Variants in SLC9C2 observed in about 807,000 individuals in gnomAD.
SLC9C2 encodes the protein sodium/hydrogen exchanger 11.
A neutral mutation model predicts 140.2 loss-of-function variants in SLC9C2; 75 were observed. The ratio of observed to expected loss-of-function variants is 0.53; its 90% CI spans 0.44 to 0.65. The LOEUF (loss-of-function observed/expected upper bound fraction) is 0.65, where lower values mean the gene tolerates loss of function less well. Among genes scored for constraint, SLC9C2 ranks in the 30% least tolerant of loss-of-function variants. The probability of loss-of-function intolerance (pLI) is 0.00; values close to 1 mark genes in which losing one functional copy is unlikely to be tolerated. For missense variants in SLC9C2, 1,074 were observed against 1,331.8 expected (o/e 0.81, Z 3.01); for synonymous variants, 375 against 420.9 (o/e 0.89, Z 1.34).
At chr1:173,587,269 C>T (rs1665905540) in intron 5 of SLC9C2, among the ~76,000 whole-genome samples, 1 of 152,158 alleles carries the variant, frequency 6.6e-6, no homozygotes, top group South Asian at 2.1e-4. Context: ...CAAGAGGTAG[C>T]AAGGCCTTGG....
chr1:173,549,807 A>G (rs1212945795), intron 11 of SLC9C2, among the ~76,000 whole-genome samples: 1 of 152,224 alleles, frequency 6.6e-6, no homozygotes, highest in African/African-American at 2.4e-5. Flanking sequence ...TGGTTAATAC[A>G]ATCAAAAATT....
At chr1:173,572,171 A>G (rs1173821441) in intron 9 of SLC9C2, among the ~76,000 whole-genome samples, 1 of 152,246 alleles carries the variant, frequency 6.6e-6, no homozygotes, top group South Asian at 2.1e-4. Flanking sequence ...AAATAAACAT[A>G]AACACCTAAA....
intron 13 of SLC9C2, among the ~76,000 whole-genome samples, chr1:173,545,965 T>A (rs1381024): frequency 0.22 from 33,347 of 151,640 alleles, 4,517 homozygotes; most frequent in East Asian, 0.64. Flanking sequence ...GCATTCGGAG[T>A]GGGAAAAAGG....
Position 173,535,892 on chromosome 1 carries a change from C to T in SLC9C2, c.1713G>A (p.Lys571=), listed in dbSNP as rs910875014. 3 of 1,512,640 alleles carry T rather than the reference C, an allele frequency of 2.0e-6. No individual in the cohort carries two copies. Among genetic ancestry groups the T allele is most frequent in the East Asian group, 2.4e-5 (1 of 40,948 alleles). The allele number at this position is 1,512,640 out of a possible 1,614,324, so 93.7% of individuals were successfully genotyped here. ...TYMRTRSWLI[K]FKNVLTFLEY... ...CCAAGAAAGTTAAAACATTTTTAAA[C>T]TTTATAAGCCAACTTCTAGTTCTCA... Residue 571 remains lysine, a synonymous_variant, in exon 15 of 28, where the codon AAG becomes AAA. Transcript: ENST00000367714.
intron 23 of SLC9C2, among the ~76,000 whole-genome samples, chr1:173,511,563 G>T (rs1660060006): frequency 6.6e-6 from 1 of 152,056 alleles, no homozygotes; most frequent in Non-Finnish European, 1.5e-5. Context: ...TTAGACCTTT[G>T]TCAGATGGGT....
intron 24 of SLC9C2, among the ~76,000 whole-genome samples, chr1:173,507,648 T>C (rs970487824): frequency 6.6e-6 from 1 of 152,134 alleles, no homozygotes; most frequent in African/African-American, 2.4e-5. Flanking sequence ...CTGGAATAGG[T>C]TGGGCCTCTA....
At chr1:173,582,458 T>G (rs560954060) in intron 6 of SLC9C2, among the ~76,000 whole-genome samples, 133 of 152,082 alleles carry the variant, frequency 8.7e-4, no homozygotes, top group African/African-American at 3.1e-3. Flanking sequence ...GATAAGAAAT[T>G]TTCATTAGTC....
intron 18 of SLC9C2, 44 bp from the exon 19 acceptor site, chr1:173,526,758 A>G: frequency 7.7e-7 from 1 of 1,306,732 alleles, no homozygotes; most frequent in Non-Finnish European, 1.0e-6. Flanking sequence ...TTATTCATAT[A>G]GTTTCTGTAA....
intron 20 of SLC9C2, 67 bp from the exon 21 acceptor site, chr1:173,524,161 C>G (rs1661029647): frequency 7.1e-7 from 1 of 1,403,338 alleles, no homozygotes. Context: ...TAGGGAAAAA[C>G]TAAGGAAATC....
At chr1:173,597,317 C>T (rs1666504935) in intron 4 of SLC9C2, among the ~76,000 whole-genome samples, 1 of 151,818 alleles carries the variant, frequency 6.6e-6, no homozygotes, top group Non-Finnish European at 1.5e-5. Context: ...GTGATGAGTA[C>T]ACTAAAAACC....
rs1666608103 is a variant in SLC9C2, at chr1:173,599,076, T to C, written c.228+1041A>G. On this transcript the variant is annotated intron_variant, in intron 3 of 27. Coordinates refer to ENST00000367714, the MANE Select transcript of SLC9C2 (RefSeq NM_178527.4). ...TGAATCTGGCAGTGACCATGCCTCA[T>C]GATGAACACAACTGCTGCCTTTTAT... Among the ~76,000 whole-genome samples, 4 of 152,330 alleles carry C rather than the reference T, an allele frequency of 2.6e-5. No homozygotes were observed. The South Asian group carries it at 8.3e-4, about 32-fold the overall frequency.
At chr1:173,539,385 C>A (rs1662208673) in intron 13 of SLC9C2, among the ~76,000 whole-genome samples, 1 of 152,144 alleles carries the variant, frequency 6.6e-6, no homozygotes, top group African/African-American at 2.4e-5. Context: ...GTGTATTTGA[C>A]AAACATTTAG....
intron 13 of SLC9C2, among the ~76,000 whole-genome samples, chr1:173,539,238 A>AG (rs1326430726): frequency 2.6e-5 from 4 of 152,180 alleles, no homozygotes; most frequent in Non-Finnish European, 5.9e-5. Flanking sequence ...AGCAGGAAGG[A>AG]GGTATAGTCA....
At chr1:173,546,730 C>T (rs888879320) in intron 13 of SLC9C2, among the ~76,000 whole-genome samples, 16 of 152,046 alleles carry the variant, frequency 1.1e-4, no homozygotes, top group Admixed American at 2.6e-4. Flanking sequence ...AATTTGAAAA[C>T]ATAAACTGTA....
At chr1:173,536,379 C>T (rs1661960557) in intron 14 of SLC9C2, among the ~76,000 whole-genome samples, 1 of 152,186 alleles carries the variant, frequency 6.6e-6, no homozygotes, top group Non-Finnish European at 1.5e-5. Flanking sequence ...TATTGCCCCA[C>T]AGCTTTGTGT....
chr1:173,575,678 G>A (rs1273703521), intron 8 of SLC9C2, among the ~76,000 whole-genome samples: 1 of 152,030 alleles, frequency 6.6e-6, no homozygotes, highest in African/African-American at 2.4e-5. Context: ...CCGGGTTCAC[G>A]CCATTCTCCT....
intron 13 of SLC9C2, among the ~76,000 whole-genome samples, chr1:173,537,585 T>C (rs1662065945): frequency 1.5e-5 from 2 of 136,580 alleles, no homozygotes; most frequent in African/African-American, 6.2e-5. Context: ...TGTGTGTGTA[T>C]ATATATGTGT....
At chr1:173,507,193 G>T (rs193277888) in intron 24 of SLC9C2, 152 bp from the exon 25 acceptor site, 4 of 642,794 alleles carry the variant, frequency 6.2e-6, no homozygotes, top group African/African-American at 3.8e-5. Flanking sequence ...TTAGCATTCA[G>T]AATGGCCTCT....
At chr1:173,539,701 A>G (rs1307124188) in intron 13 of SLC9C2, among the ~76,000 whole-genome samples, 1 of 152,190 alleles carries the variant, frequency 6.6e-6, no homozygotes, top group Non-Finnish European at 1.5e-5. Context: ...GACAGAGTTA[A>G]TTGTCCTGAG....
Sources: gnomAD v4.1 joint callset for allele counts (sites outside exome capture counted in the v4.1 genomes callset) on GRCh38, gnomAD v4.1.1 for gene constraint, MANE v1.5 for transcripts, NCBI Gene and HGNC (gene_info 2026-07-23, HGNC 2026-07-21) for gene names.